Variants in DCAF8L2 observed in about 807,000 individuals in gnomAD.
The protein encoded by DCAF8L2 is DDB1 and CUL4 associated factor 8 like 2, also known as DDB1- and CUL4-associated factor 8-like protein 2.
For missense variants in DCAF8L2, 430 were observed against 490.7 expected (o/e 0.88, Z 1.17); for synonymous variants, 200 against 190.9 (o/e 1.05, Z -0.39).
At chrX:27,574,764 C>T in the DCAF8L2 span, among the ~76,000 whole-genome samples, 1 of 111,215 alleles carries the variant, frequency 9.0e-6, no homozygotes, top group African/African-American at 3.3e-5. Flanking sequence ...GGGTCTGGCT[C>T]GCTTTTTCAG....
At chrX:27,497,549 C>T in the DCAF8L2 span, among the ~76,000 whole-genome samples, 1,503 of 64,345 alleles carry the variant, frequency 0.023, 58 homozygotes, top group African/African-American at 0.089. Context: ...TCCTTCCTTC[C>T]TTCTTTCTTT....
intron 3 of DCAF8L2, among the ~76,000 whole-genome samples, chrX:27,680,327 A>C (rs1226849484): frequency 1.8e-5 from 2 of 111,801 alleles, no homozygotes; most frequent in Non-Finnish European, 3.8e-5. Flanking sequence ...TGAGTTAGAA[A>C]AAAAAGACTT....
chrX:27,623,315 A>G (rs1230309549), intron 1 of DCAF8L2, among the ~76,000 whole-genome samples: 2 of 111,644 alleles, frequency 1.8e-5, no homozygotes, highest in Non-Finnish European at 3.8e-5. Flanking sequence ...GTTAGGAAAC[A>G]TGATCCATAC....
the DCAF8L2 span, among the ~76,000 whole-genome samples, chrX:27,485,819 A>G: frequency 2.5e-4 from 28 of 110,369 alleles, no homozygotes; most frequent in Non-Finnish European, 4.5e-4. Context: ...CAATTAGGAA[A>G]TATTACAAGG....
At chrX:27,602,548 T>C (rs1926697388) in intron 1 of DCAF8L2, among the ~76,000 whole-genome samples, 1 of 111,760 alleles carries the variant, frequency 8.9e-6, no homozygotes, top group South Asian at 3.7e-4. Context: ...AGACCCTTAT[T>C]GTCAGCAAGA....
chrX:27,745,472 TC>T (rs1478554628), intron 4 of DCAF8L2, among the ~76,000 whole-genome samples: 1 of 112,371 alleles, frequency 8.9e-6, no homozygotes, highest in African/African-American at 3.2e-5. Context: ...CATTCTCACT[TC>T]CATACATTAT....
intron 1 of DCAF8L2, among the ~76,000 whole-genome samples, chrX:27,613,956 G>A (rs918425876): frequency 9.0e-6 from 1 of 111,403 alleles, no homozygotes; most frequent in Admixed American, 9.5e-5. Flanking sequence ...TCAGGATGAT[G>A]CTGGCCTCAT....
intron 4 of DCAF8L2, among the ~76,000 whole-genome samples, chrX:27,737,837 C>T (rs1028922967): frequency 9.1e-6 from 1 of 110,142 alleles, no homozygotes; most frequent in Non-Finnish European, 1.9e-5. Flanking sequence ...TTGCCAACAC[C>T]TTATGAAATC....
At chrX:27,601,928 G>T (rs1371860863) in intron 1 of DCAF8L2, among the ~76,000 whole-genome samples, 1 of 111,332 alleles carries the variant, frequency 9.0e-6, no homozygotes, top group Non-Finnish European at 1.9e-5. Context: ...TTCAGGAAGG[G>T]AGAAATTTAT....
At chrX:27,551,562 A>G in the DCAF8L2 span, among the ~76,000 whole-genome samples, 1 of 111,431 alleles carries the variant, frequency 9.0e-6, no homozygotes, top group African/African-American at 3.3e-5. Context: ...TGAACCCCAA[A>G]TATCTCTGAG....
chrX:27,502,416 G>A, the DCAF8L2 span, among the ~76,000 whole-genome samples: 1 of 88,468 alleles, frequency 1.1e-5, no homozygotes, highest in Non-Finnish European at 2.2e-5. Context: ...TTGGGAGAGG[G>A]GCTTTCCCCA....
chrX:27,565,160 C>T, the DCAF8L2 span, among the ~76,000 whole-genome samples: 1 of 110,467 alleles, frequency 9.1e-6, no homozygotes, highest in African/African-American at 3.3e-5. Flanking sequence ...TCATTTTCCC[C>T]CATTGATTAT....
chrX:27,741,520 C>G (rs1186660487), intron 4 of DCAF8L2, among the ~76,000 whole-genome samples: 1 of 109,331 alleles, frequency 9.1e-6, no homozygotes. Context: ...AACCAGAATC[C>G]CAGTGATAAT....
chrX:27,661,949 T>G (rs1929573859), intron 2 of DCAF8L2, among the ~76,000 whole-genome samples: 1 of 111,816 alleles, frequency 8.9e-6, no homozygotes, highest in African/African-American at 3.2e-5. Context: ...AAACTTAGTG[T>G]TTTTTTAGCT....
chrX:27,582,802 G>T, the DCAF8L2 span, among the ~76,000 whole-genome samples: 1 of 110,431 alleles, frequency 9.1e-6, no homozygotes, highest in South Asian at 3.9e-4. Context: ...CATCCCAATT[G>T]TGCTCAATAA....
chrX:27,650,901 T>C (rs1318826488), intron 2 of DCAF8L2, among the ~76,000 whole-genome samples: 2 of 111,542 alleles, frequency 1.8e-5, no homozygotes, highest in Non-Finnish European at 3.8e-5. Flanking sequence ...CTTCCAGTTT[T>C]TCCCATGCAG....
intron 3 of DCAF8L2, among the ~76,000 whole-genome samples, chrX:27,705,853 A>C (rs2147275184): frequency 9.0e-6 from 1 of 111,489 alleles, no homozygotes; most frequent in African/African-American, 3.3e-5. Context: ...TTGTCATGAA[A>C]TATTTGCTAG....
the DCAF8L2 span, among the ~76,000 whole-genome samples, chrX:27,563,295 T>C: frequency 8.9e-6 from 1 of 111,947 alleles, no homozygotes; most frequent in Non-Finnish European, 1.9e-5. Flanking sequence ...TTTTATTGTT[T>C]AACATTTTTC....
intron 3 of DCAF8L2, among the ~76,000 whole-genome samples, chrX:27,715,130 T>C (rs1025975712): frequency 1.8e-5 from 2 of 110,532 alleles, no homozygotes; most frequent in African/African-American, 6.6e-5. Context: ...CGGTGGCTCA[T>C]GCCTGTAATC....
Sources: gnomAD v4.1 joint callset for allele counts (sites outside exome capture counted in the v4.1 genomes callset) on GRCh38, gnomAD v4.1.1 for gene constraint, MANE v1.5 for transcripts, NCBI Gene and HGNC (gene_info 2026-07-23, HGNC 2026-07-21) for gene names.